The following WWOX variants were observed in gnomAD, a reference collection of about 807,000 sequenced individuals.
WWOX encodes WW domain-containing oxidoreductase.
WWOX carries 69 observed loss-of-function variants against 46.2 expected under a neutral mutation model. The observed-to-expected ratio is 1.49, with a 90% CI of 1.23 to 1.82. WWOX has a LOEUF of 1.82. Ranked by LOEUF, WWOX falls within the 40% of genes most tolerant of loss-of-function variation. WWOX has a pLI of 0.00. For synonymous variants in WWOX, 359 were observed against 202.6 expected (o/e 1.77, Z -6.56); for missense variants, 919 against 542.6 (o/e 1.69, Z -6.89).
chr16:78,233,524 A>ATT (rs36007148), intron 5 of WWOX, among the ~76,000 whole-genome samples: 15,781 of 125,786 alleles, frequency 0.13, 1,073 homozygotes, highest in Non-Finnish European at 0.15. Context: ...TGATGATTAA[A>ATT]TTTTTTTTTT....
chr16:79,062,370 C>A (rs945360335), intron 8 of WWOX, among the ~76,000 whole-genome samples: 1 of 152,088 alleles, frequency 6.6e-6, no homozygotes, highest in South Asian at 2.1e-4. Context: ...TCATAATAGT[C>A]GTGGAGGGAC....
chr16:78,796,129 C>T (rs1053610347), intron 8 of WWOX, among the ~76,000 whole-genome samples: 33 of 152,224 alleles, frequency 2.2e-4, no homozygotes, highest in African/African-American at 7.7e-4. Flanking sequence ...AGAAACGCCC[C>T]TTGCCTTCCT....
At chr16:78,327,503 G>GCC (rs2080652097) in intron 5 of WWOX, among the ~76,000 whole-genome samples, 1 of 152,158 alleles carries the variant, frequency 6.6e-6, no homozygotes, top group Non-Finnish European at 1.5e-5. Flanking sequence ...GCTCTATCAT[G>GCC]CTTGTAGAAC....
intron 5 of WWOX, chr16:78,270,226 G>C (rs1432633823): frequency 6.6e-6 from 1 of 152,018 alleles, no homozygotes. Flanking sequence ...AGTGATCCTC[G>C]GGTCTCTTGT....
chr16:78,958,410 G>A (rs1463627948), intron 8 of WWOX, among the ~76,000 whole-genome samples: 9 of 152,306 alleles, frequency 5.9e-5, no homozygotes, highest in Non-Finnish European at 1.3e-4. Context: ...AATGGATAGA[G>A]TTCATGGATG....
intron 8 of WWOX, among the ~76,000 whole-genome samples, chr16:78,761,196 C>G (rs988304664): frequency 2.6e-5 from 4 of 152,074 alleles, no homozygotes; most frequent in Non-Finnish European, 5.9e-5. Context: ...TCTTTTTCTT[C>G]CAAATATAGT....
chr16:78,814,333 C>G (rs1297519824), intron 8 of WWOX, among the ~76,000 whole-genome samples: 1 of 151,990 alleles, frequency 6.6e-6, no homozygotes, highest in East Asian at 1.9e-4. Context: ...CCCTAAAAAA[C>G]TGGAAAAAAT....
At chr16:78,473,742 G>A (rs184761409) in intron 8 of WWOX, among the ~76,000 whole-genome samples, 20 of 152,254 alleles carry the variant, frequency 1.3e-4, no homozygotes, top group African/African-American at 4.8e-4. Context: ...GTCTTTGCAA[G>A]GTAAGCTGTC....
intron 5 of WWOX, among the ~76,000 whole-genome samples, chr16:78,247,468 C>G (rs373366219): frequency 6.6e-6 from 1 of 151,996 alleles, no homozygotes; most frequent in Admixed American, 6.5e-5. Flanking sequence ...GGATGCAGTC[C>G]TAATCCTGAA....
intron 8 of WWOX, among the ~76,000 whole-genome samples, chr16:78,937,826 C>G (rs867794090): frequency 2.1e-4 from 32 of 151,980 alleles, no homozygotes; most frequent in Admixed American, 1.0e-3. Context: ...TCTGTTTTTA[C>G]TATGTTGGCC....
intron 8 of WWOX, among the ~76,000 whole-genome samples, chr16:79,091,391 T>C (rs1477501797): frequency 6.6e-6 from 1 of 152,144 alleles, no homozygotes; most frequent in Admixed American, 6.5e-5. Flanking sequence ...TGAGCACAGA[T>C]GAATTTGAAG....
intron 5 of WWOX, among the ~76,000 whole-genome samples, chr16:78,255,478 G>A (rs7200781): frequency 0.032 from 4,809 of 152,248 alleles, 252 homozygotes; most frequent in East Asian, 0.23. Flanking sequence ...AGAAACAGAA[G>A]TCATAGCAAA....
At chr16:78,458,825 T>G (rs2667607) in intron 8 of WWOX, among the ~76,000 whole-genome samples, 42,667 of 151,866 alleles carry the variant, frequency 0.28, 7,286 homozygotes, top group African/African-American at 0.49. Context: ...GGGGTGGAAT[T>G]AGCATGTAGA....
intron 8 of WWOX, among the ~76,000 whole-genome samples, chr16:78,783,828 C>G (rs1271801867): frequency 7.0e-6 from 1 of 143,724 alleles, no homozygotes; most frequent in African/African-American, 2.5e-5. Flanking sequence ...TGATAAGATG[C>G]TGATGGTGGT....
At chr16:78,862,506 A>G (rs1452749081) in intron 8 of WWOX, among the ~76,000 whole-genome samples, 1 of 152,080 alleles carries the variant, frequency 6.6e-6, no homozygotes, top group Non-Finnish European at 1.5e-5. Context: ...TTTTCTGTAT[A>G]TATGTATAAA....
chr16:78,575,489 G>T (rs537243308), intron 8 of WWOX, among the ~76,000 whole-genome samples: 1 of 151,930 alleles, frequency 6.6e-6, no homozygotes, highest in East Asian at 1.9e-4. Flanking sequence ...CTGCATGGAG[G>T]ACAAGAAGGC....
chr16:78,508,083 C>G (rs1474212444), intron 8 of WWOX, among the ~76,000 whole-genome samples: 3 of 151,880 alleles, frequency 2.0e-5, no homozygotes, highest in South Asian at 2.1e-4. Context: ...TCTTAGCTCA[C>G]TGCATCCTCT....
intron 8 of WWOX, among the ~76,000 whole-genome samples, chr16:78,904,326 C>T (rs2044905756): frequency 6.6e-6 from 1 of 150,458 alleles, no homozygotes; most frequent in South Asian, 2.1e-4. Flanking sequence ...GCAACCTCTG[C>T]CTCCCGGGTT....
chr16:78,744,455 G>C (rs1305705905), intron 8 of WWOX, among the ~76,000 whole-genome samples: 2 of 119,880 alleles, frequency 1.7e-5, no homozygotes, highest in East Asian at 4.8e-4. Context: ...TTTTTGAAAC[G>C]GAGTATCTGT....
Sources: allele counts gnomAD v4.1 joint callset (sites outside exome capture counted in the v4.1 genomes callset), GRCh38; gene constraint gnomAD v4.1.1; transcripts MANE v1.5; gene names NCBI Gene and HGNC (gene_info 2026-07-23, HGNC 2026-07-21).